The following ZPLD1 variants were observed in gnomAD, a reference collection of about 807,000 sequenced individuals.
ZPLD1 encodes the protein zona pellucida-like domain-containing protein 1.
ZPLD1 carries 34 observed loss-of-function variants against 47.2 expected under a neutral mutation model. The ratio of observed to expected loss-of-function variants is 0.72; its 90% CI spans 0.55 to 0.96. The LOEUF (loss-of-function observed/expected upper bound fraction) is 0.96. Among genes scored for constraint, ZPLD1 ranks in the 40% least tolerant of loss-of-function variants. The pLI is 0.00. For missense variants in ZPLD1, 512 were observed against 505.8 expected (o/e 1.01, Z -0.12); for synonymous variants, 176 against 186.2 (o/e 0.95, Z 0.45).
At position 102,476,848 on chromosome 3, in the gene ZPLD1, T is replaced by C. The variant is rs1008367394; in HGVS notation, c.1043-164T>C. Among the ~76,000 whole-genome samples, 5 of 151,750 alleles carry C rather than the reference T, an allele frequency of 3.3e-5. No individual in the cohort carries two copies. In the South Asian group the frequency reaches 1.0e-3, roughly 32 times the overall value. ...AACAGGGCATGGACAAGCAGAATGG[T>C]TTAGGGGGACTTTCATTTTTGCCTT... On this transcript the variant is annotated intron_variant, in intron 10 of 11. Coordinates refer to ENST00000466937, the MANE Select transcript of ZPLD1 (RefSeq NM_001329788.2).
chr3:102,471,434 T>G (rs1299337520), intron 10 of ZPLD1, among the ~76,000 whole-genome samples: 5 of 152,218 alleles, frequency 3.3e-5, no homozygotes, highest in Non-Finnish European at 5.9e-5. Context: ...GCATATTACA[T>G]ACTCTCATCT....
upstream of ZPLD1, among the ~76,000 whole-genome samples, chr3:102,434,476 A>G (rs1200755045): frequency 6.6e-6 from 1 of 152,164 alleles, no homozygotes; most frequent in African/African-American, 2.4e-5. Context: ...TTCCTTTTCT[A>G]TTAGTAACAG....
intron 7 of ZPLD1, among the ~76,000 whole-genome samples, chr3:102,396,376 G>A (rs189435438): frequency 1.3e-5 from 2 of 152,056 alleles, no homozygotes; most frequent in Admixed American, 1.3e-4. Flanking sequence ...AAATTAAATT[G>A]CATGTGATGC....
chr3:102,397,729 C>T (rs1706574125), intron 7 of ZPLD1, among the ~76,000 whole-genome samples: 1 of 152,140 alleles, frequency 6.6e-6, no homozygotes, highest in Non-Finnish European at 1.5e-5. Flanking sequence ...GATACCACCT[C>T]ACTCACCTTT....
intron 3 of ZPLD1, among the ~76,000 whole-genome samples, chr3:102,443,582 T>C (rs922161550): frequency 6.6e-6 from 1 of 152,184 alleles, no homozygotes; most frequent in Admixed American, 6.5e-5. Flanking sequence ...ATTTGTTTAG[T>C]CTTTTCAAGA....
intron 7 of ZPLD1, among the ~76,000 whole-genome samples, chr3:102,409,849 G>A (rs1383543449): frequency 6.6e-6 from 1 of 151,772 alleles, no homozygotes; most frequent in Non-Finnish European, 1.5e-5. Context: ...TAAACTTGCA[G>A]GATCACATGG....
chr3:102,404,875 CA>C (rs1706663184), intron 7 of ZPLD1, among the ~76,000 whole-genome samples: 1 of 151,884 alleles, frequency 6.6e-6, no homozygotes, highest in Non-Finnish European at 1.5e-5. Flanking sequence ...TACTGGGACA[CA>C]AGGTTACGTA....
chr3:102,405,235 T>C (rs1473365139), intron 7 of ZPLD1, among the ~76,000 whole-genome samples: 1 of 151,948 alleles, frequency 6.6e-6, no homozygotes, highest in African/African-American at 2.4e-5. Flanking sequence ...TTTGGTTCAT[T>C]CTCTGATTTG....
chr3:102,451,988 A>G (rs532441853), intron 3 of ZPLD1, among the ~76,000 whole-genome samples: 2 of 152,158 alleles, frequency 1.3e-5, no homozygotes, highest in Admixed American at 1.3e-4. Flanking sequence ...ACCTATAGCA[A>G]TTACCAAAAC....
chr3:102,397,357 C>A (rs544989509), intron 7 of ZPLD1, among the ~76,000 whole-genome samples: 1 of 150,890 alleles, frequency 6.6e-6, no homozygotes, highest in African/African-American at 2.5e-5. Flanking sequence ...CTTCAGTTAA[C>A]GTAATATTTT....
chr3:102,403,549 C>T (rs1294840842), intron 7 of ZPLD1, among the ~76,000 whole-genome samples: 1 of 151,940 alleles, frequency 6.6e-6, no homozygotes, highest in African/African-American at 2.4e-5. Context: ...TTATCTGAGG[C>T]TTTTACCTAA....
At chr3:102,406,238 C>T (rs1206698737) in intron 7 of ZPLD1, among the ~76,000 whole-genome samples, 1 of 151,924 alleles carries the variant, frequency 6.6e-6, no homozygotes, top group Non-Finnish European at 1.5e-5. Flanking sequence ...GATTGCTGTG[C>T]ATCCTTCTTC....
At chr3:102,433,743 A>G (rs1486352462), upstream of ZPLD1, among the ~76,000 whole-genome samples, 1 of 151,990 alleles carries the variant, frequency 6.6e-6, no homozygotes, top group Non-Finnish European at 1.5e-5. Flanking sequence ...GTTAGCCAGG[A>G]TGGTCTCGAT....
intron 6 of ZPLD1, among the ~76,000 whole-genome samples, chr3:102,391,008 A>G (rs963591266): frequency 4.6e-5 from 7 of 152,124 alleles, no homozygotes; most frequent in South Asian, 2.1e-4. Context: ...TAGTCTCCTT[A>G]GAAAATTATC....
At chr3:102,444,278 A>G (rs955064285) in intron 3 of ZPLD1, among the ~76,000 whole-genome samples, 1 of 152,198 alleles carries the variant, frequency 6.6e-6, no homozygotes, top group Non-Finnish European at 1.5e-5. Flanking sequence ...AACTTCCTAG[A>G]GCACTGGAAA....
chr3:102,410,535 T>C (rs1039974289), intron 7 of ZPLD1, among the ~76,000 whole-genome samples: 4 of 151,770 alleles, frequency 2.6e-5, no homozygotes, highest in African/African-American at 9.7e-5. Context: ...TAATATTTAT[T>C]CCACCAAAAA....
At chr3:102,390,856 C>T (rs553863321) in intron 6 of ZPLD1, among the ~76,000 whole-genome samples, 1 of 152,066 alleles carries the variant, frequency 6.6e-6, no homozygotes, top group Admixed American at 6.5e-5. Flanking sequence ...GAAACAATTT[C>T]AAGGTAGGTT....
Position 102,456,310 on chromosome 3 carries a change from C to CT in ZPLD1, c.447dup (p.Leu150SerfsTer5). On this transcript the variant is annotated frameshift_variant, in exon 5 of 12. Coordinates refer to ENST00000466937, the MANE Select transcript of ZPLD1 (RefSeq NM_001329788.2). LOFTEE classifies it high-confidence loss of function. The stretch of plus-strand genomic sequence containing the variant: ...AACAATCATCAGCTATCTACCTGGG[C>CT]TTCTTTACAAATTTAGTTGTAGTTA... 6.2e-7 allele frequency: 1 copy of CT among 1,613,716 alleles called. No individual in the cohort carries two copies. The highest frequency in any genetic ancestry group is 8.5e-7 in the Non-Finnish European group (1 of 1,179,770).
upstream of ZPLD1, among the ~76,000 whole-genome samples, chr3:102,430,696 C>T (rs112981706): frequency 7.1e-3 from 1,083 of 152,196 alleles, 10 homozygotes; most frequent in African/African-American, 0.025. Flanking sequence ...ATTTGAATAT[C>T]GGGGAGTGGG....
Sources: allele counts gnomAD v4.1 joint callset (sites outside exome capture counted in the v4.1 genomes callset), GRCh38; gene constraint gnomAD v4.1.1; transcripts MANE v1.5; gene names NCBI Gene and HGNC (gene_info 2026-07-23, HGNC 2026-07-21).